NLGN3: variants seen among roughly 807,000 people sequenced by gnomAD.
NLGN3 encodes the protein neuroligin-3.
A neutral mutation model predicts 42.9 loss-of-function variants in NLGN3; 11 were observed. The observed-to-expected ratio is 0.26, with a 90% CI of 0.16 to 0.42. The LOEUF is 0.42. Among genes scored for constraint, NLGN3 ranks in the 10% least tolerant of loss-of-function variants. The probability of loss-of-function intolerance (pLI) is 1.00; values close to 1 mark genes in which losing one functional copy is unlikely to be tolerated. For missense variants in NLGN3, 374 were observed against 733.8 expected (o/e 0.51, Z 5.67); for synonymous variants, 279 against 312.7 (o/e 0.89, Z 1.14).
chrX:71,160,213 C>CTT (rs754499358), intron 5 of NLGN3, among the ~76,000 whole-genome samples: 15 of 95,724 alleles, frequency 1.6e-4, no homozygotes, highest in African/African-American at 5.5e-4. Context: ...TTCTTTCTTT[C>CTT]TTTTTTTTTT....
rs771016603 is a variant in NLGN3, at chrX:71,169,458, C to G, written c.1908C>G (p.Asp636Glu). ...HLVPHLYNLHDMFHYTSTTTK... is the reference protein window; with the variant it reads ...HLVPHLYNLHEMFHYTSTTTK... Reference sequence around the variant, plus strand: ...TGCCCCACCTATACAACCTGCATGACATGTTCCACTATACGTCCACCACCA... The same window carrying G: ...TGCCCCACCTATACAACCTGCATGAGATGTTCCACTATACGTCCACCACCA... The change falls in exon 8 of 8, where the codon GAC becomes GAG. Residue 636 changes from aspartate (D) to glutamate (E), a missense_variant. Coordinates refer to ENST00000358741, the MANE Select transcript of NLGN3 (RefSeq NM_181303.2). 4.9e-5 allele frequency: 59 copies of G among 1,209,762 alleles called. No individual in the cohort carries two copies. In the South Asian group the frequency reaches 1.0e-3, roughly 21 times the overall value.
At chrX:71,150,424 G>A (rs775233100) in intron 3 of NLGN3, among the ~76,000 whole-genome samples, 11 of 111,884 alleles carry the variant, frequency 9.8e-5, no homozygotes, top group African/African-American at 1.6e-4. Flanking sequence ...AGGAGAGGCC[G>A]GGCGTGGTGG....
In NLGN3 at chrX:71,169,644, G is replaced by A; in HGVS notation, c.2094G>A (p.Val698=). The A allele has an allele frequency of 8.2e-7, 1 of 1,212,142 alleles. No homozygotes were observed. Among genetic ancestry groups the A allele is most frequent in the South Asian group, 1.8e-5 (1 of 57,026 alleles). ...NGDQDAGPLL[V]ENPRDYSTEL... ...ACCAGGATGCAGGGCCACTCCTGGT[G>A]GAGAACCCTCGTGACTACTCCACTG... is the stretch of plus-strand genomic sequence containing the variant. Residue 698 remains valine (V), a synonymous_variant, in exon 8 of 8, where the codon GTG becomes GTA. Coordinates refer to ENST00000358741, the MANE Select transcript of NLGN3 (RefSeq NM_181303.2).
At chrX:71,147,035 A>AG (rs2092373242) in intron 1 of NLGN3, among the ~76,000 whole-genome samples, 2 of 111,100 alleles carry the variant, frequency 1.8e-5, no homozygotes, top group African/African-American at 6.6e-5. Context: ...CCTGAGGGTG[A>AG]GGGAGTCTCT....
chrX:71,169,874 G>C lies in NLGN3; in HGVS notation c.2324G>C (p.Cys775Ser). ...ALQLGPTHHE[C>S]EAGPPHDTLR... Reference sequence around the variant, plus strand: ...CAACTGGGCCCCACCCACCACGAGTGTGAGGCCGGTCCCCCCCATGACACG... The same window carrying C: ...CAACTGGGCCCCACCCACCACGAGTCTGAGGCCGGTCCCCCCCATGACACG... Residue 775 changes from cysteine to serine, a missense_variant, in exon 8 of 8, where the codon TGT becomes TCT. Transcript: ENST00000358741. The C allele has an allele frequency of 8.3e-7, 1 of 1,198,875 alleles. No homozygotes were observed. Among genetic ancestry groups the C allele is most frequent in the Non-Finnish European group, 1.1e-6 (1 of 888,935 alleles).
Position 71,170,825 on chromosome X carries a change from G to A in NLGN3, c.*728G>A. 1 of 756,187 alleles carries A rather than the reference G, an allele frequency of 1.3e-6. No homozygotes were observed. 62.3% of individuals were successfully genotyped at this position (756,187 alleles called of 1,213,427 possible). On this transcript the variant is annotated 3_prime_UTR_variant, in exon 8 of 8. Transcript: ENST00000358741. The stretch of plus-strand genomic sequence containing the variant: ...GATCTCCAACTCTCTCTGTGTCCGT[G>A]TGGAGGGCTGCAGAGCCTGCAGGGT...
chrX:71,156,647 T>C (rs1435929733), intron 5 of NLGN3, among the ~76,000 whole-genome samples: 1 of 110,089 alleles, frequency 9.1e-6, no homozygotes, highest in Non-Finnish European at 1.9e-5. Flanking sequence ...TCTGTATCCA[T>C]ACATGCACAC....
intron 1 of NLGN3, among the ~76,000 whole-genome samples, chrX:71,145,491 C>A (rs991516971): frequency 3.7e-5 from 4 of 108,200 alleles, no homozygotes; most frequent in African/African-American, 1.3e-4. Flanking sequence ...CAATGCCCCG[C>A]GCCCAGCACC....
At chrX:71,146,149 T>TCA (rs1483489070) in intron 1 of NLGN3, among the ~76,000 whole-genome samples, 8 of 35,820 alleles carry the variant, frequency 2.2e-4, no homozygotes, top group African/African-American at 4.5e-4. Context: ...TCTCTCTCTC[T>TCA]CTCTCACACA....
At chrX:71,173,891 G>A (rs1171802110), downstream of NLGN3, among the ~76,000 whole-genome samples, 5 of 111,416 alleles carry the variant, frequency 4.5e-5, no homozygotes, top group African/African-American at 1.6e-4. Context: ...TGGGATTGGG[G>A]TGGGTGGGTA....
At chrX:71,155,515 A>C in intron 5 of NLGN3, 152 bp downstream of exon 5, 1 of 692,115 alleles carries the variant, frequency 1.4e-6, no homozygotes, top group Non-Finnish European at 2.3e-6. Context: ...CCCTACCCAA[A>C]TGCTAGGGGC....
Position 71,169,990 on chromosome X carries a change from A to C in NLGN3, c.2440A>C (p.Ile814Leu). Residue 814 changes from isoleucine to leucine, a missense_variant, in exon 8 of 8, where the codon ATC (isoleucine) becomes CTC (leucine). Physicochemically the swap from Ile to Leu is conservative, Grantham distance 5. This residue lies in a region of NLGN3 where 92 missense variants were observed against 108.0 expected (regional missense o/e 0.85). Coordinates refer to ENST00000358741, the MANE Select transcript of NLGN3 (RefSeq NM_181303.2). Reference protein sequence around the residue: ...PLMTPNTITMIPNSLVGLQTL... With the variant: ...PLMTPNTITMLPNSLVGLQTL... ...CATGACCCCCAACACCATCACTATG[A>C]TCCCCAACTCCCTGGTAGGGCTGCA... The C allele has an allele frequency of 8.3e-7, 1 of 1,209,131 alleles. No individual in the cohort carries two copies. The highest frequency in any genetic ancestry group is 1.1e-6 in the Non-Finnish European group (1 of 894,372).
rs762308591 is a variant in NLGN3 at position 71,170,020 on chromosome X, T to C, written c.2470T>C (p.Leu824=). ...IPNSLVGLQT[L]HPYNTFAAGF... is the part of the protein sequence containing the mutation. Reference sequence around the variant, plus strand: ...CAACTCCCTGGTAGGGCTGCAGACATTGCACCCCTATAACACCTTTGCCGC... The same window carrying C: ...CAACTCCCTGGTAGGGCTGCAGACACTGCACCCCTATAACACCTTTGCCGC... The change falls in exon 8 of 8, where the codon TTG becomes CTG. Residue 824 remains leucine, a synonymous_variant. Transcript: ENST00000358741. The C allele has an allele frequency of 7.5e-6, 9 of 1,206,868 alleles. No homozygotes were observed. The African/African-American group carries it at 1.2e-4, about 17-fold the overall frequency.
chrX:71,158,365 G>GT (rs1229663544), intron 5 of NLGN3, among the ~76,000 whole-genome samples: 1 of 112,208 alleles, frequency 8.9e-6, no homozygotes, highest in Non-Finnish European at 1.9e-5. Flanking sequence ...GATTACAGGC[G>GT]TGAGCCACCG....
chrX:71,174,001 T>C (rs1051940891), downstream of NLGN3, among the ~76,000 whole-genome samples: 2 of 111,372 alleles, frequency 1.8e-5, no homozygotes, highest in African/African-American at 6.5e-5. Flanking sequence ...GGTGGGAAAT[T>C]AGCTTGGTAA....
chrX:71,161,392 G>T (rs2092429623), intron 5 of NLGN3, among the ~76,000 whole-genome samples: 1 of 109,512 alleles, frequency 9.1e-6, no homozygotes, highest in African/African-American at 3.3e-5. Context: ...GGGATTACAG[G>T]CATGAGCCAC....
At chrX:71,159,031 C>CT (rs2092420147) in intron 5 of NLGN3, among the ~76,000 whole-genome samples, 2 of 111,156 alleles carry the variant, frequency 1.8e-5, no homozygotes, top group East Asian at 5.6e-4. Flanking sequence ...CACACACACA[C>CT]TTAATTTTAC....
intron 5 of NLGN3, among the ~76,000 whole-genome samples, chrX:71,155,892 G>GTA (rs1399498340): frequency 3.6e-5 from 4 of 110,641 alleles, no homozygotes; most frequent in Non-Finnish European, 7.6e-5. Context: ...CCCCTCACAT[G>GTA]TAAACACATT....
intron 4 of NLGN3, 94 bp downstream of exon 4, chrX:71,153,630 C>G: frequency 2.4e-6 from 2 of 838,462 alleles, no homozygotes; most frequent in South Asian, 4.3e-5. Context: ...GTCTGTCTGT[C>G]CGTTGGTGTG....
Sources: gnomAD v4.1 joint callset for allele counts (sites outside exome capture counted in the v4.1 genomes callset) on GRCh38, gnomAD v4.1.1 for gene constraint, gnomAD v4.1.1 regional missense constraint, MANE v1.5 for transcripts, NCBI Gene and HGNC (gene_info 2026-07-23, HGNC 2026-07-21) for gene names.